Variants in CHN2 observed in about 807,000 individuals in gnomAD.
The protein encoded by CHN2 is chimerin 2, also known as beta-chimaerin.
A neutral mutation model predicts 56.3 loss-of-function variants in CHN2; 35 were observed. The ratio of observed to expected loss-of-function variants is 0.62; its 90% CI spans 0.47 to 0.82. The LOEUF is 0.82. Among genes scored for constraint, CHN2 ranks in the 40% least tolerant of loss-of-function variants. CHN2 has a pLI of 0.00. For synonymous variants in CHN2, 210 were observed against 212.8 expected (o/e 0.99, Z 0.12); for missense variants, 491 against 580.5 (o/e 0.85, Z 1.58).
rs1793999203 is a variant in CHN2, at chr7:29,304,666, AC to A, written c.50-49958del. Among the ~76,000 whole-genome samples, 3 of 152,300 alleles carry A rather than the reference AC, an allele frequency of 2.0e-5. No individual in the cohort carries two copies. In the South Asian group the frequency reaches 6.2e-4, roughly 32 times the overall value. Reference sequence around the variant, plus strand: ...CAGGAGTACAAAGATTTGCACACGAACTGGTTTTGTGACTCTTAAGCCCTCG... The same window carrying A: ...CAGGAGTACAAAGATTTGCACACGAATGGTTTTGTGACTCTTAAGCCCTCG... On this transcript the variant is annotated intron_variant, in intron 1 of 12. Coordinates refer to ENST00000222792, the MANE Select transcript of CHN2 (RefSeq NM_004067.4).
intron 6 of CHN2, among the ~76,000 whole-genome samples, chr7:29,469,105 C>T (rs901233744): frequency 3.3e-5 from 5 of 152,180 alleles, no homozygotes; most frequent in Non-Finnish European, 7.3e-5. Flanking sequence ...TCTAGCTGCT[C>T]GTGCCCAAAA....
rs1408574175 is a variant in CHN2 at position 29,435,536 on chromosome 7, A to C, written c.576+34708A>C. 2.0e-5 allele frequency among the ~76,000 whole-genome samples: 3 copies of C among 152,248 alleles called. No homozygotes were observed. In the East Asian group the frequency reaches 5.8e-4, roughly 29 times the overall value. On this transcript the variant is annotated intron_variant, in intron 6 of 12. Transcript: ENST00000222792. The stretch of plus-strand genomic sequence containing the variant: ...TTGCTCCTAGGCTACAAACCTGTGC[A>C]GCATGGTACTGTACTGAATTCTGGG...
chr7:29,353,718 G>A (rs914125158), intron 1 of CHN2, among the ~76,000 whole-genome samples: 1 of 152,182 alleles, frequency 6.6e-6, no homozygotes, highest in Non-Finnish European at 1.5e-5. Flanking sequence ...TGCACCAGCG[G>A]TAGAGGATGA....
intron 1 of CHN2, among the ~76,000 whole-genome samples, chr7:29,342,458 A>G (rs571579075): frequency 6.6e-6 from 1 of 152,298 alleles, no homozygotes; most frequent in South Asian, 2.1e-4. Flanking sequence ...AGTAATAACA[A>G]TGCCAGGGCC....
intron 6 of CHN2, among the ~76,000 whole-genome samples, chr7:29,402,941 C>T (rs1041202433): frequency 6.6e-6 from 1 of 151,866 alleles, no homozygotes; most frequent in Non-Finnish European, 1.5e-5. Context: ...TTTGAATGAG[C>T]CACCCAATAT....
chr7:29,231,393 A>G (rs1786695263), intron 1 of CHN2, among the ~76,000 whole-genome samples: 1 of 152,202 alleles, frequency 6.6e-6, no homozygotes, highest in African/African-American at 2.4e-5. Context: ...GTTCAATGGC[A>G]TCATTTTTGT....
chr7:29,395,588 T>C (rs765037425), intron 4 of CHN2, among the ~76,000 whole-genome samples: 8 of 152,168 alleles, frequency 5.3e-5, no homozygotes, highest in Non-Finnish European at 8.8e-5. Context: ...AAAATACCCA[T>C]AGTTCTACCA....
chr7:29,199,687 A>C (rs1305404572), intron 1 of CHN2: 1 of 152,194 alleles, frequency 6.6e-6, no homozygotes. Context: ...TTTATTGTCC[A>C]TTGTAGCAAC....
At chr7:29,384,603 A>C (rs1473249687) in intron 3 of CHN2, among the ~76,000 whole-genome samples, 1 of 152,220 alleles carries the variant, frequency 6.6e-6, no homozygotes. Context: ...GGCTCAATGC[A>C]CGAGTCATGG....
intron 1 of CHN2, among the ~76,000 whole-genome samples, chr7:29,342,116 G>C (rs10951217): frequency 0.65 from 98,508 of 151,638 alleles, 33,694 homozygotes; most frequent in Non-Finnish European, 0.77. Flanking sequence ...CTGGATCTGC[G>C]TTGGTCGCAG....
At chr7:29,164,673 C>T (rs566897657) in intron 2 of CHN2, among the ~76,000 whole-genome samples, 1 of 150,760 alleles carries the variant, frequency 6.6e-6, no homozygotes, top group Non-Finnish European at 1.5e-5. Context: ...CCCAGCATCC[C>T]TGGTGGCTGA....
chr7:29,335,165 C>T (rs1796522624), intron 1 of CHN2, among the ~76,000 whole-genome samples: 2 of 152,178 alleles, frequency 1.3e-5, no homozygotes, highest in African/African-American at 4.8e-5. Context: ...GGTAGTGGTG[C>T]TTACGGGAGT....
At chr7:29,450,959 T>G (rs1341016127) in intron 6 of CHN2, among the ~76,000 whole-genome samples, 1 of 151,980 alleles carries the variant, frequency 6.6e-6, no homozygotes, top group African/African-American at 2.4e-5. Context: ...TTAGTAGAGA[T>G]AGGGTTTCAC....
At position 29,398,618 on chromosome 7, in the gene CHN2, G is replaced by C. The variant is rs370857090; in HGVS notation, c.290+132G>C. ...TTTTTCCCATGTTTATGTTATGAGG[G>C]GGGGGTCCCACTCTCTCACCCAGGC... On this transcript the variant is annotated intron_variant, in intron 5 of 12. Coordinates refer to ENST00000222792, the MANE Select transcript of CHN2 (RefSeq NM_004067.4). The C allele has an allele frequency of 8.2e-5, 52 of 634,032 alleles. 1 individual carries two copies. Among genetic ancestry groups the C allele is most frequent in the African/African-American group, 6.2e-4 (34 of 54,864 alleles). 39.3% of individuals were successfully genotyped at this position (634,032 alleles called of 1,614,324 possible).
intron 1 of CHN2, among the ~76,000 whole-genome samples, chr7:29,347,924 T>C (rs1170440017): frequency 6.6e-6 from 1 of 152,190 alleles, no homozygotes; most frequent in Non-Finnish European, 1.5e-5. Context: ...TATGAAACCA[T>C]TTTTGTAAAT....
chr7:29,325,950 T>C (rs547959524), intron 1 of CHN2, among the ~76,000 whole-genome samples: 1 of 152,314 alleles, frequency 6.6e-6, no homozygotes, highest in African/African-American at 2.4e-5. Context: ...GACCTCTGTG[T>C]CCTTCTCTAT....
chr7:29,459,558 T>C (rs1192604803), intron 6 of CHN2, among the ~76,000 whole-genome samples: 1 of 152,212 alleles, frequency 6.6e-6, no homozygotes, highest in Non-Finnish European at 1.5e-5. Context: ...ATACAACATC[T>C]GTTTCATTGT....
chr7:29,488,389 C>T (rs2128556194), intron 7 of CHN2, among the ~76,000 whole-genome samples: 1 of 152,244 alleles, frequency 6.6e-6, no homozygotes, highest in African/African-American at 2.4e-5. Flanking sequence ...GTGCTGCTGA[C>T]CTGGGTGACG....
At chr7:29,372,739 C>G (rs551116635) in intron 3 of CHN2, among the ~76,000 whole-genome samples, 2 of 152,328 alleles carry the variant, frequency 1.3e-5, no homozygotes, top group East Asian at 3.9e-4. Flanking sequence ...AAGGTACTAA[C>G]TTAAACACAG....
Sources: allele counts gnomAD v4.1 joint callset (sites outside exome capture counted in the v4.1 genomes callset), GRCh38; gene constraint gnomAD v4.1.1; transcripts MANE v1.5; gene names NCBI Gene and HGNC (gene_info 2026-07-23, HGNC 2026-07-21).